The following TRAK2 variants were observed in gnomAD, a reference collection of about 807,000 sequenced individuals.
The protein encoded by TRAK2 is trafficking kinesin-binding protein 2.
A neutral mutation model predicts 104.6 loss-of-function variants in TRAK2; 81 were observed. The observed-to-expected ratio is 0.77, with a 90% CI of 0.65 to 0.93. TRAK2 has a LOEUF of 0.93. TRAK2 is among the 40% of genes least tolerant of loss of function. The pLI is 0.00. For missense variants in TRAK2, 1,002 were observed against 1,089.0 expected, an observed-to-expected ratio of 0.92 and a Z score of 1.12; for synonymous variants, 406 against 394.4, an observed-to-expected ratio of 1.03 and a Z score of -0.35.
At chr2:201,385,177 T>C (rs1477237531) in intron 14 of TRAK2, among the ~76,000 whole-genome samples, 1 of 152,218 alleles carries the variant, frequency 6.6e-6, no homozygotes, top group African/African-American at 2.4e-5. Flanking sequence ...GATATTAATA[T>C]GATTTTAATA....
chr2:201,408,018 A>G (rs543692860), intron 2 of TRAK2, among the ~76,000 whole-genome samples: 21 of 152,284 alleles, frequency 1.4e-4, no homozygotes, highest in Admixed American at 2.6e-4. Flanking sequence ...CCTTTTATCT[A>G]TTTGAAAATA....
chr2:201,436,568 A>T (rs1175325843), intron 1 of TRAK2, among the ~76,000 whole-genome samples: 1 of 152,246 alleles, frequency 6.6e-6, no homozygotes, highest in Non-Finnish European at 1.5e-5. Context: ...TGGCACTTTC[A>T]CATAGCAGTA....
At chr2:201,432,023 T>C (rs962888726) in intron 1 of TRAK2, among the ~76,000 whole-genome samples, 1 of 152,226 alleles carries the variant, frequency 6.6e-6, no homozygotes, top group Non-Finnish European at 1.5e-5. Flanking sequence ...GTAAATGCTA[T>C]GCAAGTACTG....
intron 1 of TRAK2, among the ~76,000 whole-genome samples, chr2:201,450,793 T>C (rs1952025417): frequency 6.6e-6 from 1 of 151,950 alleles, no homozygotes; most frequent in Admixed American, 6.6e-5. Flanking sequence ...TTTTTTTAAG[T>C]TGAAATTCAA....
At chr2:201,423,754 A>C (rs1951763055) in intron 1 of TRAK2, 1 of 152,204 alleles carries the variant, frequency 6.6e-6, no homozygotes, top group Admixed American at 6.5e-5. Flanking sequence ...GTACTGTACT[A>C]TATAATACAA....
Position 201,399,358 on chromosome 2 carries a change from C to T in TRAK2, c.480+19G>A, listed in dbSNP as rs1951529062. 1.3e-5 allele frequency: 20 copies of T among 1,530,990 alleles called. No homozygotes were observed. The highest frequency in any genetic ancestry group is 2.7e-5 in the African/African-American group (2 of 73,504). 94.8% of individuals were successfully genotyped at this position (1,530,990 alleles called of 1,614,324 possible). On this transcript the variant is annotated intron_variant, in intron 5 of 15. Transcript: ENST00000332624. ...AAACCTAATTATTTCATACTGCAGA[C>T]ATTTGATCAAAGGCTTACTTGATCA...
At chr2:201,408,954 T>A (rs546659101) in intron 2 of TRAK2, among the ~76,000 whole-genome samples, 1 of 152,214 alleles carries the variant, frequency 6.6e-6, no homozygotes, top group African/African-American at 2.4e-5. Flanking sequence ...AAAGAAGTGG[T>A]ACATCTAAAT....
intron 15 of TRAK2, 41 bp downstream of exon 15, chr2:201,384,070 G>A (rs765484423): frequency 2.4e-6 from 3 of 1,258,084 alleles, no homozygotes; most frequent in Admixed American, 4.1e-5. Flanking sequence ...AAATATAGCT[G>A]AGGAAAGAAG....
rs943568633 is a variant in TRAK2, at chr2:201,404,447, C to T, written c.286+2956G>A. Among the ~76,000 whole-genome samples, 7 of 152,074 alleles carry T rather than the reference C, an allele frequency of 4.6e-5. No individual in the cohort carries two copies. In the South Asian group the frequency reaches 1.0e-3, roughly 23 times the overall value. ...TTTCCAGAGGTTGTTAATTAATGTT[C>T]AACATTTTTGGTGTAATGTTTGGAG... On this transcript the variant is annotated intron_variant, in intron 3 of 15. Transcript: ENST00000332624.
intron 1 of TRAK2, among the ~76,000 whole-genome samples, chr2:201,449,326 A>T (rs192681985): frequency 5.9e-5 from 9 of 152,326 alleles, no homozygotes; most frequent in African/African-American, 1.9e-4. Flanking sequence ...CTTGGAAGCA[A>T]GGCAGATCTA....
intron 2 of TRAK2, among the ~76,000 whole-genome samples, chr2:201,408,418 T>C (rs977104671): frequency 1.3e-5 from 2 of 152,196 alleles, no homozygotes; most frequent in Admixed American, 6.5e-5. Flanking sequence ...GATTATTTCA[T>C]CACCCAGGTA....
chr2:201,442,379 A>C (rs1313866874), intron 1 of TRAK2, among the ~76,000 whole-genome samples: 7 of 130,164 alleles, frequency 5.4e-5, no homozygotes, highest in African/African-American at 1.8e-4. Context: ...CGACAGCAAG[A>C]CTCCATCTCA....
At position 201,381,151 on chromosome 2, in the gene TRAK2, G is replaced by A; in HGVS notation, c.2137C>T (p.Pro713Ser). The A allele has an allele frequency of 6.2e-7, 1 of 1,613,912 alleles. No homozygotes were observed. ...SSSSNTAVNS[P>S]ALSYRLSIGE... is the part of the protein sequence containing the mutation. ...ATGCTGAGTCTATAGGACAAGGCAG[G>A]AGAATTCACAGCCGTGTTGGATGAA... is the stretch of plus-strand genomic sequence containing the variant. Residue 713 changes from proline to serine, a missense_variant, in exon 16 of 16, where the codon CCT becomes TCT. By Grantham distance (74) the Pro-to-Ser change is moderately conservative. Coordinates refer to ENST00000332624, the MANE Select transcript of TRAK2 (RefSeq NM_015049.3).
At position 201,409,587 on chromosome 2, in the gene TRAK2, A is replaced by G. The variant is rs538942062; in HGVS notation, c.92-1990T>C. Among the ~76,000 whole-genome samples the G allele has an allele frequency of 2.6e-5, 4 of 152,364 alleles. No individual in the cohort carries two copies. In the South Asian group the frequency reaches 8.3e-4, roughly 32 times the overall value. On this transcript the variant is annotated intron_variant, in intron 2 of 15. Transcript: ENST00000332624. ...CAGACCATGCTAAAATATAATTTAC[A>G]ACGATTAGTTTGCATTTAAGATGGT...
chr2:201,434,003 G>T (rs1388221060), intron 1 of TRAK2, among the ~76,000 whole-genome samples: 1 of 151,960 alleles, frequency 6.6e-6, no homozygotes, highest in African/African-American at 2.4e-5. Context: ...TTTTGCCCAG[G>T]CCGGACTGCA....
intron 6 of TRAK2, 58 bp downstream of exon 6, chr2:201,398,087 T>C (rs1214783763): frequency 2.0e-6 from 3 of 1,524,440 alleles, no homozygotes; most frequent in East Asian, 2.3e-5. Context: ...CAATAGTACC[T>C]GGACCTGAAC....
chr2:201,392,927 T>A lies in TRAK2; in HGVS notation c.1095A>T (p.Ser365=). 5 of 1,612,256 alleles carry A rather than the reference T, an allele frequency of 3.1e-6. No homozygotes were observed. Among genetic ancestry groups the A allele is most frequent in the East Asian group, 2.2e-5 (1 of 44,828 alleles). Residue 365 remains serine (S), a synonymous_variant, in exon 10 of 16, where the codon TCA becomes TCT. Transcript: ENST00000332624. ...GPTAHLYFSQ[S]YGAFTGESLA... is the part of the protein sequence containing the mutation. ...TGCTTACCCCAGTAAAAGCTCCATA[T>A]GATTGGGAGAAGTAGAGATGAGCAG...
At position 201,379,043 on chromosome 2, in the gene TRAK2, T is replaced by TC. The variant is rs1951313518; in HGVS notation, c.*1499dup. 1 of 152,180 alleles carries TC rather than the reference T, an allele frequency of 6.6e-6. No individual in the cohort carries two copies. Among genetic ancestry groups the TC allele is most frequent in the Admixed American group, 6.6e-5 (1 of 15,266 alleles). The allele number at this position is 152,180 out of a possible 1,614,324, so 9.4% of individuals were successfully genotyped here. A position where few individuals can be genotyped will look rare whatever the true frequency, so the allele number is the denominator to read the frequency against. On this transcript the variant is annotated 3_prime_UTR_variant, in exon 16 of 16. Coordinates refer to ENST00000332624, the MANE Select transcript of TRAK2 (RefSeq NM_015049.3). ...ATTTGCAAATTAAGCACCAAAAAGA[T>TC]CAAGTAATTTACTTGCCATTTTCAT...
intron 2 of TRAK2, chr2:201,410,568 A>G: frequency 8.2e-7 from 1 of 1,224,108 alleles, no homozygotes; most frequent in Non-Finnish European, 1.2e-6. Context: ...CTTTAAAATC[A>G]TTGCTAGCTG....
Sources: gnomAD v4.1 joint callset for allele counts (sites outside exome capture counted in the v4.1 genomes callset) on GRCh38, gnomAD v4.1.1 for gene constraint, MANE v1.5 for transcripts, NCBI Gene and HGNC (gene_info 2026-07-23, HGNC 2026-07-21) for gene names.